The following ZNF626 variants were observed in gnomAD, a reference collection of about 807,000 sequenced individuals.
ZNF626 encodes the protein CTC-513N18.7.
A neutral mutation model predicts 11.7 loss-of-function variants in ZNF626; 4 were observed. That is an observed-to-expected ratio of 0.34 (90% CI 0.17 to 0.78). The LOEUF is 0.78. ZNF626 is among the 30% of genes least tolerant of loss of function. The probability of loss-of-function intolerance (pLI) is 0.57; values close to 1 mark genes in which losing one functional copy is unlikely to be tolerated. For synonymous variants in ZNF626, 179 were observed against 198.6 expected, an observed-to-expected ratio of 0.90 and a Z score of 0.83; for missense variants, 588 against 587.1, an observed-to-expected ratio of 1.00 and a Z score of -0.01.
At chr19:20,650,718 T>C (rs1391020343) in intron 1 of ZNF626, among the ~76,000 whole-genome samples, 1 of 152,164 alleles carries the variant, frequency 6.6e-6, no homozygotes, top group Non-Finnish European at 1.5e-5. Flanking sequence ...CAGTTTTGTT[T>C]TTTCTAAACT....
chr19:20,627,386 T>C (rs186448540), intron 3 of ZNF626, among the ~76,000 whole-genome samples: 7 of 152,230 alleles, frequency 4.6e-5, no homozygotes, highest in East Asian at 1.9e-4. Flanking sequence ...TATTGTTGGA[T>C]CTTTTAGAGG....
Position 20,624,687 on chromosome 19 carries a change from T to G in ZNF626, c.1190A>C (p.Tyr397Ser), listed in dbSNP as rs1469539046. Residue 397 changes from tyrosine (Y) to serine (S), a missense_variant, in exon 4 of 4, where the codon TAC becomes TCC. By Grantham distance (144) the Tyr-to-Ser change is moderately radical (BLOSUM62 -2). Coordinates refer to ENST00000601440, the MANE Select transcript of ZNF626 (RefSeq NM_001076675.3). The part of the protein sequence containing the change: ...HKIIHTGEKP[Y>S]KCEECGKAFK... ...AGCTTTGCCACATTCTTCACATTTG[T>G]AGGGTTTCTCTCCAGTATGAATTAT... 5.0e-6 allele frequency: 8 copies of G among 1,609,998 alleles called. No homozygotes were observed. The Admixed American group carries it at 5.0e-5, about 10-fold the overall frequency.
In ZNF626 at chr19:20,624,017, A is replaced by T. The variant is rs1969787569; in HGVS notation, c.*273T>A. 1 of 633,612 alleles carries T rather than the reference A, an allele frequency of 1.6e-6. No individual in the cohort carries two copies. The highest frequency in any genetic ancestry group is 2.8e-6 in the Non-Finnish European group (1 of 352,558). 39.2% of individuals were successfully genotyped at this position (633,612 alleles called of 1,614,324 possible). A position where few individuals can be genotyped will look rare whatever the true frequency, so the allele number is the denominator to read the frequency against. On this transcript the variant is annotated 3_prime_UTR_variant, in exon 4 of 4. Transcript: ENST00000601440. ...GATTTTCCCCATTCATCACATTCAC[A>T]TGGTTTCTCTCCAGTATGAATTATC...
chr19:20,654,287 A>T (rs958072205), intron 1 of ZNF626, among the ~76,000 whole-genome samples: 3 of 152,092 alleles, frequency 2.0e-5, no homozygotes, highest in Non-Finnish European at 4.4e-5. Context: ...AAAACCATAT[A>T]AAAAAATTAG....
chr19:20,656,353 G>T (rs1477424588), intron 1 of ZNF626, among the ~76,000 whole-genome samples: 1 of 151,684 alleles, frequency 6.6e-6, no homozygotes, highest in Non-Finnish European at 1.5e-5. Context: ...ATAACATAGA[G>T]AATAACATTC....
chr19:20,648,587 G>A (rs1294678853), intron 1 of ZNF626, among the ~76,000 whole-genome samples: 1 of 152,090 alleles, frequency 6.6e-6, no homozygotes, highest in Non-Finnish European at 1.5e-5. Context: ...ATGTTGACCA[G>A]GATGGTCTTG....
At chr19:20,650,588 C>T (rs1555772492) in intron 1 of ZNF626, among the ~76,000 whole-genome samples, 2 of 152,164 alleles carry the variant, frequency 1.3e-5, no homozygotes, top group African/African-American at 4.8e-5. Context: ...ACCTGTGAGA[C>T]AAGACTCCAG....
At chr19:20,632,971 T>C (rs1969923903) in intron 3 of ZNF626, among the ~76,000 whole-genome samples, 3 of 152,334 alleles carry the variant, frequency 2.0e-5, no homozygotes, top group African/African-American at 7.2e-5. Context: ...TTGGTGTGGA[T>C]GTCCTTTCTC....
rs150164481 is a variant in ZNF626 at position 20,621,639 on chromosome 19, T to A, written c.*2651A>T. 72 of 152,288 alleles carry A rather than the reference T, an allele frequency of 4.7e-4. 2 individuals carry two copies. Among genetic ancestry groups the A allele is most frequent in the African/African-American group, 1.7e-3 (72 of 41,570 alleles). 9.4% of individuals were successfully genotyped at this position (152,288 alleles called of 1,614,324 possible). On this transcript the variant is annotated 3_prime_UTR_variant, in exon 4 of 4. Transcript: ENST00000601440. Reference sequence around the variant, plus strand: ...ATCAAAATATTCTCTATAAGACATATATACACATACTATATACTCACAGAT... The same window carrying A: ...ATCAAAATATTCTCTATAAGACATAAATACACATACTATATACTCACAGAT...
In ZNF626 at chr19:20,631,062, G is replaced by A. The variant is rs545908868; in HGVS notation, c.227-5412C>T. Among the ~76,000 whole-genome samples the A allele has an allele frequency of 2.1e-3, 313 of 152,254 alleles. 2 individuals carry two copies. The highest frequency in any genetic ancestry group is 6.9e-3 in the African/African-American group (287 of 41,530). On this transcript the variant is annotated intron_variant, in intron 3 of 3. Transcript: ENST00000601440. ...TAGTCATTCAGGAGCAGGTTGTTCA[G>A]TTTCCATGTAGTTGAGTGGTTTTGA...
intron 1 of ZNF626, among the ~76,000 whole-genome samples, chr19:20,646,936 C>A (rs1970086216): frequency 6.6e-6 from 1 of 152,156 alleles, no homozygotes; most frequent in South Asian, 2.1e-4. Flanking sequence ...CCACCTCCGC[C>A]TCCCGGGTTC....
chr19:20,648,756 AC>A (rs1368067021), intron 1 of ZNF626, among the ~76,000 whole-genome samples: 8 of 152,190 alleles, frequency 5.3e-5, no homozygotes, highest in African/African-American at 1.9e-4. Flanking sequence ...CTCCATCTTT[AC>A]TAAGGACCAC....
Position 20,624,739 on chromosome 19 carries a change from G to C in ZNF626, c.1138C>G (p.Arg380Gly). The change falls in exon 4 of 4, where the codon CGG becomes GGG. Residue 380 changes from arginine (R) to glycine (G), a missense_variant. Transcript: ENST00000601440. ...TTATGCGTAGTAAGGTCTGAAGACC[G>C]CTTGAAGGCTTTGCCACATTCTTCA... ...KCEECGKAFK[R>G]SSDLTTHKII... 6.2e-7 allele frequency: 1 copy of C among 1,608,716 alleles called. No homozygotes were observed. The highest frequency in any genetic ancestry group is 2.2e-5 in the East Asian group (1 of 44,462).
intron 1 of ZNF626, among the ~76,000 whole-genome samples, chr19:20,651,015 C>G (rs575868555): frequency 1.8e-4 from 27 of 151,862 alleles, no homozygotes; most frequent in Admixed American, 1.7e-3. Context: ...TTTGAAACCC[C>G]GTCTCTACTA....
intron 1 of ZNF626, among the ~76,000 whole-genome samples, chr19:20,658,132 G>A (rs772235263): frequency 4.9e-4 from 75 of 152,238 alleles, no homozygotes; most frequent in Non-Finnish European, 9.1e-4. Flanking sequence ...AAATCCCTGC[G>A]TGGGAGAGAG....
intron 1 of ZNF626, among the ~76,000 whole-genome samples, chr19:20,648,150 TCA>T (rs1454194358): frequency 7.1e-6 from 1 of 141,458 alleles, no homozygotes; most frequent in Non-Finnish European, 1.5e-5. Flanking sequence ...TGCTCCAGCC[TCA>T]GTGACAAAGC....
chr19:20,655,266 A>G (rs1446309982), intron 1 of ZNF626, among the ~76,000 whole-genome samples: 1 of 152,242 alleles, frequency 6.6e-6, no homozygotes. Flanking sequence ...CTTTCGCAGT[A>G]TAAGTACTTC....
At position 20,625,504 on chromosome 19, in the gene ZNF626, C is replaced by G. The variant is rs782422412; in HGVS notation, c.373G>C (p.Val125Leu). ...KGCISVDECK[V>L]HKEGYNELNQ... ...AGTTCATTATAACCTTCTTTGTGCA[C>G]CTTACACTCATCCACACTTATACAT... The change falls in exon 4 of 4, where the codon GTG (valine) becomes CTG (leucine). Residue 125 changes from valine (V) to leucine (L), a missense_variant. Transcript: ENST00000601440. 2.8e-5 allele frequency: 45 copies of G among 1,613,878 alleles called. No homozygotes were observed. Among genetic ancestry groups the G allele is most frequent in the Non-Finnish European group, 3.6e-5 (43 of 1,179,982 alleles).
chr19:20,629,113 G>C (rs1335297604), intron 3 of ZNF626, among the ~76,000 whole-genome samples: 1 of 152,156 alleles, frequency 6.6e-6, no homozygotes, highest in Non-Finnish European at 1.5e-5. Flanking sequence ...CATTATTTCT[G>C]AGGGCTCTGT....
Sources: allele counts gnomAD v4.1 joint callset (sites outside exome capture counted in the v4.1 genomes callset), GRCh38; gene constraint gnomAD v4.1.1; transcripts MANE v1.5; gene names NCBI Gene and HGNC (gene_info 2026-07-23, HGNC 2026-07-21).